Variants in COL28A1 observed in about 807,000 individuals in gnomAD.
COL28A1 encodes the protein collagen alpha-1(XXVIII) chain.
In COL28A1, 161 loss-of-function variants were observed where a neutral mutation model predicts 150.2. That is an observed-to-expected ratio of 1.07 (90% CI 0.94 to 1.22). The LOEUF (loss-of-function observed/expected upper bound fraction) is 1.22, where lower values mean the gene tolerates loss of function less well. Ranked by LOEUF, COL28A1 falls within the 50% of genes most tolerant of loss-of-function variation. COL28A1 has a pLI of 0.00. For synonymous variants in COL28A1, 552 were observed against 469.7 expected, an observed-to-expected ratio of 1.18 and a Z score of -2.26; for missense variants, 1,617 against 1,388.3, an observed-to-expected ratio of 1.16 and a Z score of -2.62.
chr7:7,387,970 T>C (rs1782290513), intron 27 of COL28A1, among the ~76,000 whole-genome samples: 1 of 152,192 alleles, frequency 6.6e-6, no homozygotes, highest in Non-Finnish European at 1.5e-5. Flanking sequence ...CTTCTACTGT[T>C]ACCAGAAGCC....
At chr7:7,462,724 T>A (rs1787733425) in intron 15 of COL28A1, among the ~76,000 whole-genome samples, 1 of 152,078 alleles carries the variant, frequency 6.6e-6, no homozygotes, top group Non-Finnish European at 1.5e-5. Flanking sequence ...CCGGGCGTGG[T>A]GGCACATGCC....
chr7:7,445,483 G>A (rs1437438432), intron 18 of COL28A1, among the ~76,000 whole-genome samples: 5 of 152,142 alleles, frequency 3.3e-5, no homozygotes, highest in Admixed American at 3.3e-4. Context: ...GTTGTATTAA[G>A]GCACTCAGTT....
At chr7:7,508,198 C>G (rs1176205543) in intron 9 of COL28A1, among the ~76,000 whole-genome samples, 1 of 151,194 alleles carries the variant, frequency 6.6e-6, no homozygotes, top group Non-Finnish European at 1.5e-5. Flanking sequence ...CGCCACTGCA[C>G]TCCAGCCTGG....
chr7:7,542,155 C>A, the COL28A1 span, among the ~76,000 whole-genome samples: 1 of 152,146 alleles, frequency 6.6e-6, no homozygotes, highest in Non-Finnish European at 1.5e-5. Flanking sequence ...CAAGGCCATC[C>A]TGGCCAACAT....
In COL28A1 at chr7:7,526,457, C is replaced by T. The variant is rs537315644; in HGVS notation, c.682-2208G>A. Among the ~76,000 whole-genome samples, 14 of 152,122 alleles carry T rather than the reference C, an allele frequency of 9.2e-5. No individual in the cohort carries two copies. In the South Asian group the frequency reaches 1.7e-3, roughly 18 times the overall value. The stretch of plus-strand genomic sequence containing the variant: ...AAAATACGTAAGATATTTCAAACCA[C>T]GTCAGAGAGTGGTTTCCTCTGGGAG... On this transcript the variant is annotated intron_variant, in intron 3 of 34. Transcript: ENST00000399429.
chr7:7,437,054 C>T (rs1263082221), intron 22 of COL28A1, among the ~76,000 whole-genome samples: 1 of 152,092 alleles, frequency 6.6e-6, no homozygotes. Flanking sequence ...AACCAGTCAA[C>T]CAACCTGAGT....
intron 15 of COL28A1, among the ~76,000 whole-genome samples, chr7:7,461,934 G>A (rs577376194): frequency 1.6e-4 from 24 of 152,146 alleles, no homozygotes; most frequent in African/African-American, 3.4e-4. Flanking sequence ...GAGGCCAACC[G>A]GCACAAAAAT....
intron 15 of COL28A1, among the ~76,000 whole-genome samples, chr7:7,461,424 C>A (rs1352095106): frequency 6.6e-6 from 1 of 152,192 alleles, no homozygotes; most frequent in Non-Finnish European, 1.5e-5. Context: ...AGTGTGCAGA[C>A]TCCACAGACA....
At chr7:7,383,690 ATATATATATATATG>A (rs1431133687) in intron 27 of COL28A1, among the ~76,000 whole-genome samples, 1 of 136,768 alleles carries the variant, frequency 7.3e-6, no homozygotes, top group Non-Finnish European at 1.5e-5. Context: ...GTGTATATAT[ATATATATATATATG>A]TATATGAGAT....
intron 25 of COL28A1, chr7:7,431,512 C>T (rs1784971652): frequency 2.1e-6 from 1 of 470,990 alleles, no homozygotes. Flanking sequence ...ATCAGCCATC[C>T]TGGCGAGTCC....
At chr7:7,397,513 T>C (rs1307763472) in intron 27 of COL28A1, among the ~76,000 whole-genome samples, 1 of 152,216 alleles carries the variant, frequency 6.6e-6, no homozygotes, top group East Asian at 1.9e-4. Flanking sequence ...AAAAGTAAGA[T>C]AATAATTATA....
downstream of COL28A1, chr7:7,356,367 G>A (rs1024513708): frequency 1.3e-5 from 2 of 152,194 alleles, no homozygotes; most frequent in Non-Finnish European, 2.9e-5. Context: ...ATAGAGAGCT[G>A]GGATGGCGGA....
Position 7,413,400 on chromosome 7 carries a change from A to G in COL28A1, c.2136+4459T>C, listed in dbSNP as rs568435611. ...GAAACAGGCTAAATTATGAATGGCA[A>G]TGATTGTTGACTCTTCACCAAACTT... is the stretch of plus-strand genomic sequence containing the variant. On this transcript the variant is annotated intron_variant, in intron 27 of 34. Transcript: ENST00000399429. Among the ~76,000 whole-genome samples the G allele has an allele frequency of 1.5e-3, 234 of 152,272 alleles. 2 individuals are homozygous for G. Among genetic ancestry groups the G allele is most frequent in the African/African-American group, 5.1e-3 (213 of 41,564 alleles).
chr7:7,527,757 A>G (rs542472657), intron 3 of COL28A1, among the ~76,000 whole-genome samples: 2 of 152,344 alleles, frequency 1.3e-5, no homozygotes, highest in South Asian at 4.1e-4. Flanking sequence ...CATATACTAT[A>G]TATGCAAAAC....
At chr7:7,436,941 G>A (rs1785387572) in intron 22 of COL28A1, among the ~76,000 whole-genome samples, 1 of 152,262 alleles carries the variant, frequency 6.6e-6, no homozygotes, top group Non-Finnish European at 1.5e-5. Flanking sequence ...GGGTGGCTGA[G>A]GCAAGAGAAT....
chr7:7,391,925 T>G (rs1181562828), intron 27 of COL28A1, among the ~76,000 whole-genome samples: 3 of 152,122 alleles, frequency 2.0e-5, no homozygotes, highest in Non-Finnish European at 2.9e-5. Flanking sequence ...TGATGGGTCT[T>G]GACTTGTTAT....
At chr7:7,393,299 C>T (rs1409187361) in intron 27 of COL28A1, among the ~76,000 whole-genome samples, 2 of 152,234 alleles carry the variant, frequency 1.3e-5, no homozygotes, top group Non-Finnish European at 2.9e-5. Flanking sequence ...GGCTGCAGAA[C>T]AGCAAAGACT....
At chr7:7,488,274 T>G (rs1779733740) in intron 13 of COL28A1, among the ~76,000 whole-genome samples, 1 of 152,258 alleles carries the variant, frequency 6.6e-6, no homozygotes, top group African/African-American at 2.4e-5. Flanking sequence ...AGTGTATTTT[T>G]CTTCCATATA....
chr7:7,396,121 C>T (rs1782820608), intron 27 of COL28A1, among the ~76,000 whole-genome samples: 1 of 152,164 alleles, frequency 6.6e-6, no homozygotes, highest in African/African-American at 2.4e-5. Context: ...CTTTCTAGTA[C>T]ATAAAATTAT....
Sources: gnomAD v4.1 joint callset for allele counts (sites outside exome capture counted in the v4.1 genomes callset) on GRCh38, gnomAD v4.1.1 for gene constraint, MANE v1.5 for transcripts, NCBI Gene and HGNC (gene_info 2026-07-23, HGNC 2026-07-21) for gene names.